ASAP2: variants seen among roughly 807,000 people sequenced by gnomAD.
ASAP2 encodes arf-GAP with SH3 domain, ANK repeat and PH domain-containing protein 2.
ASAP2 carries 45 observed loss-of-function variants against 131.4 expected under a neutral mutation model. The ratio of observed to expected loss-of-function variants is 0.34; its 90% CI spans 0.27 to 0.44. The LOEUF (loss-of-function observed/expected upper bound fraction) is 0.44, where lower values mean the gene tolerates loss of function less well. Ranked by LOEUF, ASAP2 falls within the 20% of genes least tolerant of loss-of-function variation. The probability of loss-of-function intolerance (pLI) is 1.00; values close to 1 mark genes in which losing one functional copy is unlikely to be tolerated. For synonymous variants in ASAP2, 510 were observed against 503.0 expected (o/e 1.01, Z -0.19); for missense variants, 1,011 against 1,297.0 (o/e 0.78, Z 3.39).
At chr2:9,282,688 G>A (rs12476665) in intron 2 of ASAP2, among the ~76,000 whole-genome samples, 13,152 of 152,254 alleles carry the variant, frequency 0.086, 573 homozygotes, top group African/African-American at 0.11. Flanking sequence ...TAGGAAGAGC[G>A]CTCATTTTAT....
rs1456727757 is a variant in ASAP2 at position 9,311,045 on chromosome 2, G to A, written c.346-7479G>A. Among the ~76,000 whole-genome samples, 1 of 151,892 alleles carries A rather than the reference G, an allele frequency of 6.6e-6. No individual in the cohort carries two copies. The highest frequency in any genetic ancestry group is 6.6e-5 in the Admixed American group (1 of 15,244). Reference sequence around the variant, plus strand: ...TCAGACATATCCAAGTGAACTCGGGGGGAAAAGCTAAGACAGGAAGTAGGG... The same window carrying A: ...TCAGACATATCCAAGTGAACTCGGGAGGAAAAGCTAAGACAGGAAGTAGGG... On this transcript the variant is annotated intron_variant, in intron 3 of 27. Transcript: ENST00000281419. The surrounding 1 kb of genome is among the most constrained non-coding windows in gnomAD (Gnocchi z 5.2).
intron 2 of ASAP2, among the ~76,000 whole-genome samples, chr2:9,279,912 A>G (rs1403600995): frequency 1.3e-5 from 1 of 74,910 alleles, no homozygotes; most frequent in Non-Finnish European, 2.9e-5. Context: ...AACCCATGCA[A>G]CTTTTGGCTT....
chr2:9,320,402 G>A (rs987040526), intron 5 of ASAP2, 65 bp downstream of exon 5: 25 of 1,218,896 alleles, frequency 2.1e-5, no homozygotes, highest in Middle Eastern at 1.9e-4. Context: ...AACCAACCTC[G>A]TATTGCTTAA....
intron 9 of ASAP2, chr2:9,336,142 A>AT (rs1204948222): frequency 1.3e-5 from 2 of 152,222 alleles, no homozygotes; most frequent in Non-Finnish European, 2.9e-5. Flanking sequence ...GGTTAGTAGC[A>AT]TTTTTTATTT....
rs372079133 is a variant in ASAP2 at position 9,403,053 on chromosome 2, G to A, written c.2947-200G>A. Among the ~76,000 whole-genome samples the A allele has an allele frequency of 8.5e-4, 130 of 152,296 alleles. 4 individuals carry two copies. The South Asian group carries it at 0.026, about 30-fold the overall frequency. ...CATGGCTGGGAAGAGCTCCTTACAC[G>A]GGAGAGGCCTGCACTATTTGAAATG... On this transcript the variant is annotated intron_variant, in intron 27 of 27. Transcript: ENST00000281419.
chr2:9,254,884 A>T (rs1399182819), intron 1 of ASAP2, among the ~76,000 whole-genome samples: 1 of 152,172 alleles, frequency 6.6e-6, no homozygotes, highest in African/African-American at 2.4e-5. Context: ...TTCTATGAAC[A>T]TTTGACTACA....
intron 15 of ASAP2, among the ~76,000 whole-genome samples, chr2:9,366,185 G>A (rs1355865426): frequency 6.6e-6 from 1 of 152,082 alleles, no homozygotes; most frequent in Non-Finnish European, 1.5e-5. Flanking sequence ...CTGCAAGGTA[G>A]CACGTTTCTC....
intron 14 of ASAP2, among the ~76,000 whole-genome samples, chr2:9,357,938 T>G (rs920376415): frequency 7.9e-5 from 12 of 152,244 alleles, no homozygotes; most frequent in African/African-American, 1.9e-4. Flanking sequence ...AAGGACATCT[T>G]ATTTTTAATT....
chr2:9,327,048 C>T (rs1338842354), intron 6 of ASAP2, among the ~76,000 whole-genome samples: 2 of 152,172 alleles, frequency 1.3e-5, no homozygotes, highest in African/African-American at 4.8e-5. Flanking sequence ...CAATTTGTAG[C>T]TTACAGTTTC....
intron 3 of ASAP2, among the ~76,000 whole-genome samples, chr2:9,308,919 A>G (rs974589608): frequency 6.6e-6 from 1 of 152,142 alleles, no homozygotes; most frequent in Non-Finnish European, 1.5e-5. Flanking sequence ...TGCTTCTCAA[A>G]AATACTTTCT....
intron 6 of ASAP2, among the ~76,000 whole-genome samples, chr2:9,323,695 TG>T (rs143993133): frequency 0.016 from 2,503 of 152,234 alleles, 87 homozygotes; most frequent in African/African-American, 0.057. Context: ...TCCAGTCACC[TG>T]TTTTGACTTC....
intron 3 of ASAP2, among the ~76,000 whole-genome samples, chr2:9,305,686 A>G (rs62121317): frequency 0.58 from 3,006 of 5,206 alleles, 829 homozygotes; most frequent in Admixed American, 0.61. Context: ...GGGTATAGAT[A>G]TTGGTGGAGA....
At chr2:9,356,390 A>G (rs1028896473) in intron 14 of ASAP2, 45 bp downstream of exon 14, 4 of 1,505,598 alleles carry the variant, frequency 2.7e-6, no homozygotes, top group African/African-American at 2.8e-5. Context: ...GGACATTTCA[A>G]TCCCATTCTG....
Position 9,385,287 on chromosome 2 carries a change from G to C in ASAP2, c.2059G>C (p.Val687Leu), listed in dbSNP as rs765819952. Residue 687 changes from valine to leucine, a missense_variant, in exon 21 of 28, where the codon GTT becomes CTT. Transcript: ENST00000281419. ...LSGRFNSHVHVEYEWRLLHED... is the reference protein window; with the variant it reads ...LSGRFNSHVHLEYEWRLLHED... ...TGGAAGATTTAATTCTCACGTTCACGTTGAATATGAATGGCGACTACTCCA... is the reference window on the plus strand; with the variant it reads ...TGGAAGATTTAATTCTCACGTTCACCTTGAATATGAATGGCGACTACTCCA... 6 of 1,614,074 alleles carry C rather than the reference G, an allele frequency of 3.7e-6. No homozygotes were observed. The Admixed American group carries it at 1.0e-4, about 27-fold the overall frequency.
intron 9 of ASAP2, among the ~76,000 whole-genome samples, chr2:9,343,763 A>T (rs1304217898): frequency 5.9e-5 from 9 of 152,258 alleles, no homozygotes; most frequent in African/African-American, 2.2e-4. Context: ...CATTTGTTAA[A>T]CACCAGTTGA....
intron 25 of ASAP2, among the ~76,000 whole-genome samples, 163 bp downstream of exon 25, chr2:9,400,235 C>CCCCTCCTCCCCTCATG (rs1676526193): frequency 9.6e-6 from 1 of 104,684 alleles, no homozygotes; most frequent in Non-Finnish European, 2.0e-5. Context: ...CCTGCCCCCT[C>CCCCTCCTCCCCTCATG]CCCTCCTGCC....
At chr2:9,271,481 TC>T (rs1666390959) in intron 1 of ASAP2, 2 of 1,400,116 alleles carry the variant, frequency 1.4e-6, no homozygotes, top group African/African-American at 1.4e-5. Flanking sequence ...TCATCAGCGA[TC>T]CCTTGGACAG....
In ASAP2 at chr2:9,396,013, C is replaced by T. The variant is rs1192151534; in HGVS notation, c.2684+2366C>T. Among the ~76,000 whole-genome samples, 3 of 152,136 alleles carry T rather than the reference C, an allele frequency of 2.0e-5. No individual in the cohort carries two copies. The South Asian group carries it at 6.2e-4, about 32-fold the overall frequency. On this transcript the variant is annotated intron_variant, in intron 24 of 27. Transcript: ENST00000281419. ...CCGCACCTGGTATCCCCCATCCAGACACCGTCCGTTTTGCCCTCTCCAAGA... is the reference window on the plus strand; with the variant it reads ...CCGCACCTGGTATCCCCCATCCAGATACCGTCCGTTTTGCCCTCTCCAAGA...
At chr2:9,384,185 G>T (rs1350273789) in intron 20 of ASAP2, among the ~76,000 whole-genome samples, 17 of 152,118 alleles carry the variant, frequency 1.1e-4, no homozygotes, top group Admixed American at 1.1e-3. Flanking sequence ...TAATTAAAAA[G>T]AAAAGAACAG....
Sources: allele counts gnomAD v4.1 joint callset (sites outside exome capture counted in the v4.1 genomes callset), GRCh38; gene constraint gnomAD v4.1.1; non-coding constraint Gnocchi (gnomAD v3.1); transcripts MANE v1.5; gene names NCBI Gene and HGNC (gene_info 2026-07-23, HGNC 2026-07-21).